Variants in CTNNA3 observed in about 807,000 individuals in gnomAD.
The protein encoded by CTNNA3 is catenin alpha-3.
In CTNNA3, 76 loss-of-function variants were observed where a neutral mutation model predicts 95.7. The observed-to-expected ratio is 0.79, with a 90% confidence interval of 0.66 to 0.96. The LOEUF (loss-of-function observed/expected upper bound fraction) is 0.96, where lower values mean the gene tolerates loss of function less well. Among genes scored for constraint, CTNNA3 ranks in the 40% least tolerant of loss-of-function variants. The probability of loss-of-function intolerance (pLI) is 0.00; values close to 1 mark genes in which losing one functional copy is unlikely to be tolerated. For missense variants in CTNNA3, 1,191 were observed against 1,089.8 expected, an observed-to-expected ratio of 1.09 and a Z score of -1.31; for synonymous variants, 431 against 374.4, an observed-to-expected ratio of 1.15 and a Z score of -1.74.
At chr10:66,545,518 C>T (rs1842008658) in intron 10 of CTNNA3, among the ~76,000 whole-genome samples, 1 of 152,008 alleles carries the variant, frequency 6.6e-6, no homozygotes, top group Admixed American at 6.5e-5. Flanking sequence ...TTTCTCATTC[C>T]TATATGCATC....
chr10:66,428,371 A>G (rs1429411352), intron 11 of CTNNA3, among the ~76,000 whole-genome samples: 1 of 152,202 alleles, frequency 6.6e-6, no homozygotes, highest in Non-Finnish European at 1.5e-5. Flanking sequence ...AAGGATATCC[A>G]GGAACTGAAC....
chr10:66,980,737 G>A (rs763593495), intron 7 of CTNNA3, among the ~76,000 whole-genome samples: 24 of 152,230 alleles, frequency 1.6e-4, no homozygotes, highest in Middle Eastern at 3.4e-3. Context: ...AATGGGAATC[G>A]TCAATCTCAC....
At chr10:66,487,851 G>A (rs1258812945) in intron 11 of CTNNA3, among the ~76,000 whole-genome samples, 3 of 152,106 alleles carry the variant, frequency 2.0e-5, no homozygotes, top group African/African-American at 7.2e-5. Flanking sequence ...CCTGAAAAGA[G>A]ATTTTGGTAA....
At chr10:67,182,723 A>G (rs1187574054) in intron 6 of CTNNA3, among the ~76,000 whole-genome samples, 1 of 152,216 alleles carries the variant, frequency 6.6e-6, no homozygotes, top group Non-Finnish European at 1.5e-5. Context: ...CTGCACAGCA[A>G]AAGAAACTAC....
intron 9 of CTNNA3, among the ~76,000 whole-genome samples, chr10:66,652,863 A>G (rs1845957058): frequency 6.6e-6 from 1 of 152,182 alleles, no homozygotes; most frequent in African/African-American, 2.4e-5. Context: ...GTGATACACC[A>G]CATTAACAGA....
intron 5 of CTNNA3, among the ~76,000 whole-genome samples, chr10:67,457,702 A>T (rs1289043088): frequency 1.3e-5 from 2 of 152,064 alleles, no homozygotes. Context: ...TTAGGGAAGA[A>T]TCTATTTCTC....
intron 15 of CTNNA3, among the ~76,000 whole-genome samples, chr10:66,024,094 T>TTTTTTC (rs1564585643): frequency 1.5e-5 from 2 of 134,798 alleles, no homozygotes; most frequent in East Asian, 4.3e-4. Context: ...CATTTTTTTT[T>TTTTTTC]TTTTTTTTTT....
At chr10:67,454,963 T>C (rs1339981552) in intron 5 of CTNNA3, among the ~76,000 whole-genome samples, 1 of 152,150 alleles carries the variant, frequency 6.6e-6, no homozygotes, top group African/African-American at 2.4e-5. Flanking sequence ...AATTTCAAAC[T>C]GATTTAAATT....
chr10:67,475,071 T>C (rs957201053), intron 5 of CTNNA3, among the ~76,000 whole-genome samples: 6 of 152,162 alleles, frequency 3.9e-5, no homozygotes, highest in African/African-American at 1.4e-4. Context: ...GACACAGCCA[T>C]ATATTAAACT....
chr10:66,170,595 C>A (rs11814341), intron 13 of CTNNA3, among the ~76,000 whole-genome samples: 26,149 of 151,326 alleles, frequency 0.17, 4,155 homozygotes, highest in African/African-American at 0.43. Flanking sequence ...ACACAATAGG[C>A]AAAGAAATGA....
intron 13 of CTNNA3, among the ~76,000 whole-genome samples, chr10:66,225,288 T>C (rs139814250): frequency 1.3e-5 from 2 of 151,384 alleles, no homozygotes; most frequent in East Asian, 2.0e-4. Context: ...AGTGAGAATA[T>C]GTGATATTAA....
intron 11 of CTNNA3, among the ~76,000 whole-genome samples, chr10:66,460,955 GAA>G (rs1043345338): frequency 6.6e-6 from 1 of 151,850 alleles, no homozygotes; most frequent in Admixed American, 6.6e-5. Context: ...TTTAATTCCT[GAA>G]GTTTTTCTCA....
intron 5 of CTNNA3, among the ~76,000 whole-genome samples, chr10:67,437,197 T>C (rs906689390): frequency 2.0e-5 from 3 of 152,190 alleles, no homozygotes; most frequent in Admixed American, 6.6e-5. Context: ...TGGAGACTAT[T>C]ATTCTAAGTG....
chr10:67,691,909 G>A (rs541845449), intron 1 of CTNNA3, among the ~76,000 whole-genome samples: 3 of 148,468 alleles, frequency 2.0e-5, no homozygotes, highest in South Asian at 4.3e-4. Context: ...CCCCCCGCCC[G>A]GCCAGCCACC....
intron 10 of CTNNA3, among the ~76,000 whole-genome samples, chr10:66,608,919 A>G (rs1844229259): frequency 6.6e-6 from 1 of 152,180 alleles, no homozygotes; most frequent in Non-Finnish European, 1.5e-5. Context: ...CAATTACAAC[A>G]AAAGAAAAAA....
intron 13 of CTNNA3, among the ~76,000 whole-genome samples, chr10:66,159,442 T>C (rs567199909): frequency 5.3e-4 from 81 of 152,246 alleles, no homozygotes; most frequent in African/African-American, 1.9e-3. Context: ...TTGATTCTGT[T>C]TATGTGGTAT....
At chr10:67,037,981 G>A (rs1160545286) in intron 7 of CTNNA3, among the ~76,000 whole-genome samples, 1 of 152,048 alleles carries the variant, frequency 6.6e-6, no homozygotes, top group African/African-American at 2.4e-5. Context: ...GGATTAACAT[G>A]AATAAACAGA....
intron 11 of CTNNA3, among the ~76,000 whole-genome samples, chr10:66,511,904 A>T (rs988457881): frequency 6.6e-6 from 1 of 151,960 alleles, no homozygotes; most frequent in Non-Finnish European, 1.5e-5. Context: ...CTTAAGTACA[A>T]TGTTTCTTTG....
At chr10:65,980,655 G>A (rs145254947) in intron 16 of CTNNA3, among the ~76,000 whole-genome samples, 38 of 151,830 alleles carry the variant, frequency 2.5e-4, no homozygotes, top group Non-Finnish European at 4.6e-4. Flanking sequence ...CCATAATCAC[G>A]TGGGGTTCAT....
Sources: allele counts gnomAD v4.1 joint callset (sites outside exome capture counted in the v4.1 genomes callset), GRCh38; gene constraint gnomAD v4.1.1; transcripts MANE v1.5; gene names NCBI Gene and HGNC (gene_info 2026-07-23, HGNC 2026-07-21).